PRRC2A: variants seen among roughly 807,000 people sequenced by gnomAD.
PRRC2A encodes protein PRRC2A.
In PRRC2A, 59 loss-of-function variants were observed where a neutral mutation model predicts 224.6. The observed-to-expected ratio is 0.26, with a 90% CI of 0.21 to 0.33. The LOEUF is 0.33. PRRC2A is among the 10% of genes least tolerant of loss of function. The pLI is 1.00. For synonymous variants in PRRC2A, 1,194 were observed against 1,109.5 expected (o/e 1.08, Z -1.51); for missense variants, 3,095 against 2,880.7 (o/e 1.07, Z -1.70).
In PRRC2A at chr6:31,637,214, A is replaced by C. The variant is rs777611096; in HGVS notation, c.6243-20A>C. ...AGGGTCTGGATCCTAGGCTTGCCTT[A>C]GACGCCCTTCTTCCCTTAGGTCCTT... On this transcript the variant is annotated intron_variant, in intron 29 of 30. Transcript: ENST00000376033. 1 of 1,607,206 alleles carries C rather than the reference A, an allele frequency of 6.2e-7. No homozygotes were observed. The highest frequency in any genetic ancestry group is 1.7e-5 in the Admixed American group (1 of 60,000).
rs1776656703 is a variant in PRRC2A, at chr6:31,632,010, C to T, written c.3337C>T (p.His1113Tyr). ...QRGSETGSET[H>Y]ESDLAPSDKE... is the part of the protein sequence containing the mutation. ...GGGCTCAGAAACAGGCAGCGAGACC[C>T]ATGAGAGTGATCTGGCTCCTTCAGA... is the stretch of plus-strand genomic sequence containing the variant. The change falls in exon 16 of 31, where the codon CAT (histidine) becomes TAT (tyrosine). Residue 1113 changes from histidine to tyrosine, a missense_variant. Physicochemically the swap from His to Tyr is moderately conservative, Grantham distance 83. Around this residue, in one of 8 missense-constraint regions of PRRC2A, gnomAD observed 2,001 missense variants for 1,764.9 expected, o/e 1.13. Coordinates refer to ENST00000376033, the MANE Select transcript of PRRC2A (RefSeq NM_004638.4). The T allele has an allele frequency of 6.2e-7, 1 of 1,609,438 alleles. No homozygotes were observed. The highest frequency in any genetic ancestry group is 8.5e-7 in the Non-Finnish European group (1 of 1,177,738).
intron 14 of PRRC2A, 137 bp from the exon 15 acceptor site, chr6:31,630,454 T>C (rs370063258): frequency 2.3e-5 from 17 of 754,780 alleles, no homozygotes; most frequent in South Asian, 5.3e-5. Context: ...AACCTTGTTA[T>C]ATAAGAGCAG....
chr6:31,631,083 C>T lies in PRRC2A; in HGVS notation c.2466-56C>T. 3 of 1,411,934 alleles carry T rather than the reference C, an allele frequency of 2.1e-6. No individual in the cohort carries two copies. The South Asian group carries it at 4.2e-5, about 20-fold the overall frequency. The allele number at this position is 1,411,934 out of a possible 1,614,324, so 87.5% of individuals were successfully genotyped here. A position where few individuals can be genotyped will look rare whatever the true frequency, so the allele number is the denominator to read the frequency against. On this transcript the variant is annotated intron_variant, in intron 15 of 30. Coordinates refer to ENST00000376033, the MANE Select transcript of PRRC2A (RefSeq NM_004638.4). This position sits in a 1 kb window ranked among gnomAD's most constrained non-coding sequence, Gnocchi z 4.5. ...ATCATAATAAAGTGTTCTTTTCCCA[C>T]CTAGTTCTGGTTTTCCTGAGATACT...
rs768146814 is a variant in PRRC2A at position 31,633,516 on chromosome 6, G to A, written c.4457G>A (p.Arg1486His). 8.1e-6 allele frequency: 13 copies of A among 1,612,974 alleles called. No homozygotes were observed. Among genetic ancestry groups the A allele is most frequent in the African/African-American group, 1.3e-5 (1 of 74,928 alleles). ...IQQALAQLSS[R>H]QGSVTAPGGH... ...CAGGCTCTGGCCCAGCTTAGTAGCC[G>A]TCAAGGGAGTGTAACTGCACCAGGG... The change falls in exon 17 of 31, where the codon CGT becomes CAT. Residue 1486 changes from arginine to histidine, a missense_variant. Arg to His is a conservative substitution (Grantham distance 29). This residue lies in a region of PRRC2A where 2,001 missense variants were observed against 1,764.9 expected (regional missense o/e 1.13). Transcript: ENST00000376033.
chr6:31,629,996 G>GTT (rs1776363539), intron 14 of PRRC2A, 151 bp downstream of exon 14: 4 of 1,345,288 alleles, frequency 3.0e-6, no homozygotes, highest in Non-Finnish European at 4.0e-6. Context: ...AGATAGCTCT[G>GTT]TTGCAAAAAT....
chr6:31,628,024 C>T lies in PRRC2A; in HGVS notation c.1550C>T (p.Thr517Ile), dbSNP rs757054498. The T allele has an allele frequency of 6.2e-7, 1 of 1,612,848 alleles. No individual in the cohort carries two copies. The highest frequency in any genetic ancestry group is 1.7e-5 in the Admixed American group (1 of 60,024). Residue 517 changes from threonine to isoleucine, a missense_variant, in exon 12 of 31, where the codon ACC becomes ATC. Physicochemically the swap from Thr to Ile is moderately conservative, Grantham distance 89 (BLOSUM62 -1). This residue lies in a region of PRRC2A where 2,001 missense variants were observed against 1,764.9 expected (regional missense o/e 1.13). Transcript: ENST00000376033. ...EPAAPPAAPS[T>I]PAPPPAVPKE... ...GCTGCCCCACCTGCTGCCCCTTCTA[C>T]CCCAGCTCCACCACCTGCAGTCCCT...
At position 31,624,048 on chromosome 6, in the gene PRRC2A, A is replaced by G. The variant is rs1775611031; in HGVS notation, c.290+139A>G. Reference sequence around the variant, plus strand: ...TCTTACCTATTGCAGGTTCCTTGTTAAATGACTAAGGAATGGTACTAAACT... The same window carrying G: ...TCTTACCTATTGCAGGTTCCTTGTTGAATGACTAAGGAATGGTACTAAACT... On this transcript the variant is annotated intron_variant, in intron 3 of 30. Coordinates refer to ENST00000376033, the MANE Select transcript of PRRC2A (RefSeq NM_004638.4). The G allele has an allele frequency of 5.9e-6, 7 of 1,184,576 alleles. No individual in the cohort carries two copies. In the East Asian group the frequency reaches 7.6e-5, roughly 13 times the overall value. The allele number at this position is 1,184,576 out of a possible 1,614,324, so 73.4% of individuals were successfully genotyped here. A position where few individuals can be genotyped will look rare whatever the true frequency, so the allele number is the denominator to read the frequency against.
rs971757361 is a variant in PRRC2A at position 31,626,149 on chromosome 6, T to C, written c.969T>C (p.Asp323=). The part of the protein sequence containing the change: ...KEFDQLDQEN[D]DGWAGAHEEV... The stretch of plus-strand genomic sequence containing the variant: ...TTGATCAGTTGGATCAGGAGAATGA[T>C]GATGGTTGGGCAGGTAAGTGGATAT... Residue 323 remains aspartate (D), a synonymous_variant, in exon 9 of 31, where the codon GAT becomes GAC. Transcript: ENST00000376033. The C allele has an allele frequency of 1.2e-5, 19 of 1,612,434 alleles. No individual in the cohort carries two copies. Among genetic ancestry groups the C allele is most frequent in the Non-Finnish European group, 1.6e-5 (19 of 1,179,826 alleles).
Position 31,626,115 on chromosome 6 carries a change from T to G in PRRC2A, c.935T>G (p.Leu312Arg). 6.2e-7 allele frequency: 1 copy of G among 1,612,850 alleles called. No individual in the cohort carries two copies. The highest frequency in any genetic ancestry group is 8.5e-7 in the Non-Finnish European group (1 of 1,179,834). Residue 312 changes from leucine (L) to arginine (R), a missense_variant, in exon 9 of 31, where the codon CTC becomes CGC. Around this residue, in one of 8 missense-constraint regions of PRRC2A, gnomAD observed 287 missense variants for 275.3 expected, o/e 1.04. Transcript: ENST00000376033. Reference protein sequence around the residue: ...GRPSILKEDNLKEFDQLDQEN... With the variant: ...GRPSILKEDNRKEFDQLDQEN... ...CCCTCTATTCTCAAAGAGGATAATC[T>G]CAAAGAGTTTGATCAGTTGGATCAG... is the stretch of plus-strand genomic sequence containing the variant.
At chr6:31,621,833 G>C (rs140321526) in intron 1 of PRRC2A, among the ~76,000 whole-genome samples, 1 of 152,198 alleles carries the variant, frequency 6.6e-6, no homozygotes, top group African/African-American at 2.4e-5. Flanking sequence ...CTTGCTTAGG[G>C]AGCTGGAGGT....
Position 31,626,976 on chromosome 6 carries a change from T to C in PRRC2A, c.1074-6T>C. 6.2e-7 allele frequency: 1 copy of C among 1,614,160 alleles called. No homozygotes were observed. Among genetic ancestry groups the C allele is most frequent in the Non-Finnish European group, 8.5e-7 (1 of 1,180,026 alleles). Reference sequence around the variant, plus strand: ...GATTTTAATTTCACTGTTGATCTGCTCACAGCAGGGATTCCCAATCAGCTT... The same window carrying C: ...GATTTTAATTTCACTGTTGATCTGCCCACAGCAGGGATTCCCAATCAGCTT... On this transcript the variant is annotated splice_polypyrimidine_tract_variant and splice_region_variant and intron_variant, in intron 10 of 30. Coordinates refer to ENST00000376033, the MANE Select transcript of PRRC2A (RefSeq NM_004638.4).
At chr6:31,623,078 A>C in intron 2 of PRRC2A, 177 bp downstream of exon 2, 1 of 764,992 alleles carries the variant, frequency 1.3e-6, no homozygotes, top group Non-Finnish European at 2.4e-6. Flanking sequence ...AACACCAGTT[A>C]TCCTCCTACA....
Position 31,635,993 on chromosome 6 carries a change from A to C in PRRC2A, c.5568A>C (p.Gln1856His), listed in dbSNP as rs11229. 1.9e-6 allele frequency: 3 copies of C among 1,612,692 alleles called. No individual in the cohort carries two copies. In the African/African-American group the frequency reaches 4.0e-5, roughly 22 times the overall value. ...TCTCTGGGGGAGCCATGGACTCTCA[A>C]TTACATCCAAACAGTGGAGGCTTCC... ...SQISGGAMDSQLHPNSGGFRP... is the reference protein window; with the variant it reads ...SQISGGAMDSHLHPNSGGFRP... Residue 1856 changes from glutamine to histidine, a missense_variant, in exon 25 of 31, where the codon CAA becomes CAC. Transcript: ENST00000376033.
chr6:31,631,975 G>A lies in PRRC2A; in HGVS notation c.3302G>A (p.Arg1101His), dbSNP rs144774634. 11 of 1,612,698 alleles carry A rather than the reference G, an allele frequency of 6.8e-6. No homozygotes were observed. The highest frequency in any genetic ancestry group is 1.7e-5 in the Admixed American group (1 of 59,980). ...GAGTATGAGGAAATCCCCAAGCGGC[G>A]CCGGCAGCGGGGCTCAGAAACAGGC... Reference protein sequence around the residue: ...GSEYEEIPKRRRQRGSETGSE... With the variant: ...GSEYEEIPKRHRQRGSETGSE... Residue 1101 changes from arginine (R) to histidine (H), a missense_variant, in exon 16 of 31, where the codon CGC (arginine) becomes CAC (histidine). By Grantham distance (29) the Arg-to-His change is conservative. Transcript: ENST00000376033. This position sits in a 1 kb window ranked among gnomAD's most constrained non-coding sequence, Gnocchi z 4.5.
intron 5 of PRRC2A, among the ~76,000 whole-genome samples, 194 bp downstream of exon 5, chr6:31,624,716 C>T (rs1775697361): frequency 2.0e-5 from 3 of 152,322 alleles, no homozygotes; most frequent in African/African-American, 7.2e-5. Context: ...CCAGAACTGA[C>T]CTCCTTGGGG....
At chr6:31,623,633 TAATAA>T in intron 2 of PRRC2A, 94 bp from the exon 3 acceptor site, 1 of 1,310,168 alleles carries the variant, frequency 7.6e-7, no homozygotes, top group Non-Finnish European at 1.1e-6. Flanking sequence ...AGGAAGTAGG[TAATAA>T]AATATTCAAC....
chr6:31,632,104 C>T lies in PRRC2A; in HGVS notation c.3431C>T (p.Ala1144Val), dbSNP rs1392940401. The change falls in exon 16 of 31, where the codon GCC (alanine) becomes GTC (valine). Residue 1144 changes from alanine (A) to valine (V), a missense_variant. Physicochemically the swap from Ala to Val is moderately conservative, Grantham distance 64. Coordinates refer to ENST00000376033, the MANE Select transcript of PRRC2A (RefSeq NM_004638.4). Reference sequence around the variant, plus strand: ...CCTCTCGCTCCCCCACCACCAGGAGCCCCACCTTCACCAGCCCCAGCCCGC... The same window carrying T: ...CCTCTCGCTCCCCCACCACCAGGAGTCCCACCTTCACCAGCCCCAGCCCGC... ...QVPLAPPPPG[A>V]PPSPAPARFT... 1.9e-6 allele frequency: 3 copies of T among 1,552,050 alleles called. No homozygotes were observed. The highest frequency in any genetic ancestry group is 2.7e-5 in the African/African-American group (2 of 73,192).
In PRRC2A at chr6:31,637,600, G is replaced by T; in HGVS notation, c.*14G>T. 7.9e-7 allele frequency: 1 copy of T among 1,265,188 alleles called. No individual in the cohort carries two copies. The highest frequency in any genetic ancestry group is 1.0e-6 in the Non-Finnish European group (1 of 975,548). The allele number at this position is 1,265,188 out of a possible 1,614,324, so 78.4% of individuals were successfully genotyped here. ...CCACCCCGCTGAGGGAGTTCCTCTT[G>T]CCCCCTACCCCCGGGGCTTGTATAT... On this transcript the variant is annotated 3_prime_UTR_variant, in exon 31 of 31. Transcript: ENST00000376033.
rs746451569 is a variant in PRRC2A, at chr6:31,637,058, T to C, written c.6164T>C (p.Leu2055Pro). The C allele has an allele frequency of 2.5e-6, 4 of 1,607,052 alleles. No homozygotes were observed. In the South Asian group the frequency reaches 4.4e-5, roughly 18 times the overall value. Residue 2055 changes from leucine (L) to proline (P), a missense_variant, in exon 29 of 31, where the codon CTA becomes CCA. Transcript: ENST00000376033. ...TCCCCTCAGCTGCATCCAGTGGAAC[T>C]AAAGCCGTTCCAGGATTATCAAAAA... ...LGRAELHPVE[L>P]KPFQDYQKLS... is the part of the protein sequence containing the mutation.
Sources: gnomAD v4.1 joint callset for allele counts (sites outside exome capture counted in the v4.1 genomes callset) on GRCh38, gnomAD v4.1.1 for gene constraint, gnomAD v4.1.1 regional missense constraint, Gnocchi (gnomAD v3.1) non-coding constraint, MANE v1.5 for transcripts, NCBI Gene and HGNC (gene_info 2026-07-23, HGNC 2026-07-21) for gene names.